Variants in SHB observed in about 807,000 individuals in gnomAD.
SHB encodes the protein SH2 domain-containing adapter protein B.
Under a neutral mutation model 52.3 loss-of-function variants are expected in SHB, and 20 were observed. The observed-to-expected ratio is 0.38, with a 90% CI of 0.27 to 0.56. The LOEUF (loss-of-function observed/expected upper bound fraction) is 0.56. SHB is among the 20% of genes least tolerant of loss of function. SHB has a pLI of 0.71. For missense variants in SHB, 825 were observed against 723.3 expected, an observed-to-expected ratio of 1.14 and a Z score of -1.61; for synonymous variants, 397 against 316.5, an observed-to-expected ratio of 1.25 and a Z score of -2.70.
At chr9:38,031,365 A>T (rs1451644167) in intron 1 of SHB, among the ~76,000 whole-genome samples, 5 of 152,204 alleles carry the variant, frequency 3.3e-5, no homozygotes, top group African/African-American at 9.6e-5. Flanking sequence ...AGATAAAGAC[A>T]ATAACAATTT....
chr9:37,997,892 G>A (rs1370827904), intron 2 of SHB, among the ~76,000 whole-genome samples: 1 of 152,224 alleles, frequency 6.6e-6, no homozygotes, highest in Non-Finnish European at 1.5e-5. Context: ...GGCCCTGGGG[G>A]CCTGAGGCCC....
At chr9:37,991,609 T>C (rs949580208) in intron 2 of SHB, among the ~76,000 whole-genome samples, 5 of 152,220 alleles carry the variant, frequency 3.3e-5, no homozygotes, top group Non-Finnish European at 1.5e-5. Flanking sequence ...GCACAGGAAA[T>C]GATGAAAGAT....
chr9:37,964,359 G>T (rs957628296), intron 3 of SHB, among the ~76,000 whole-genome samples: 2 of 152,154 alleles, frequency 1.3e-5, no homozygotes, highest in Non-Finnish European at 2.9e-5. Context: ...TGGGGACGGC[G>T]GGCCTGGCAG....
intron 3 of SHB, among the ~76,000 whole-genome samples, chr9:37,956,588 G>A (rs950723977): frequency 1.3e-5 from 2 of 152,120 alleles, no homozygotes; most frequent in South Asian, 2.1e-4. Flanking sequence ...AGGACCCAGC[G>A]CCCAGGTGAG....
At chr9:37,923,431 G>A (rs998335807) in intron 5 of SHB, among the ~76,000 whole-genome samples, 1 of 152,216 alleles carries the variant, frequency 6.6e-6, no homozygotes, top group South Asian at 2.1e-4. Flanking sequence ...CAGCCTGAGA[G>A]GCAGGGTGGT....
Position 37,966,680 on chromosome 9 carries a change from T to C in SHB, c.1054+7942A>G, listed in dbSNP as rs1820528393. Among the ~76,000 whole-genome samples the C allele has an allele frequency of 2.6e-5, 4 of 152,326 alleles. No individual in the cohort carries two copies. The South Asian group carries it at 8.3e-4, about 32-fold the overall frequency. The stretch of plus-strand genomic sequence containing the variant: ...GCTATACAGGGGACAGGAAGCATCA[T>C]GGGAGCCTAAGGGGAGCCAGTTTGG... On this transcript the variant is annotated intron_variant, in intron 3 of 5. Transcript: ENST00000377707.
chr9:37,993,752 T>G (rs1262709242), intron 2 of SHB, among the ~76,000 whole-genome samples: 1 of 152,156 alleles, frequency 6.6e-6, no homozygotes, highest in East Asian at 1.9e-4. Context: ...AAATACGGAA[T>G]TTTTGATATA....
At chr9:38,031,694 A>C (rs896112029) in intron 1 of SHB, among the ~76,000 whole-genome samples, 2 of 152,208 alleles carry the variant, frequency 1.3e-5, no homozygotes, top group Admixed American at 6.5e-5. Flanking sequence ...GGTTTCCATG[A>C]AACACCAACA....
At chr9:37,928,403 C>A (rs1832274574) in intron 5 of SHB, among the ~76,000 whole-genome samples, 1 of 152,200 alleles carries the variant, frequency 6.6e-6, no homozygotes, top group South Asian at 2.1e-4. Flanking sequence ...GCTATCTGAG[C>A]CCTTAGGCTC....
rs149962924 is a variant in SHB at position 37,955,503 on chromosome 9, G to C, written c.1226+380C>G. On this transcript the variant is annotated intron_variant, in intron 4 of 5. Transcript: ENST00000377707. ...ATTTATTTATTTTTTTTTGAGACAG[G>C]GTCTCGCTCTGTTGCCCAGGCTCGA... Among the ~76,000 whole-genome samples the C allele has an allele frequency of 3.6e-3, 552 of 151,968 alleles. 5 individuals carry two copies. The highest frequency in any genetic ancestry group is 0.013 in the African/African-American group (525 of 41,440).
At chr9:37,976,397 A>G (rs1442057975) in intron 2 of SHB, among the ~76,000 whole-genome samples, 1 of 152,114 alleles carries the variant, frequency 6.6e-6, no homozygotes, top group Non-Finnish European at 1.5e-5. Context: ...CATTCACACT[A>G]TTGGGAACCT....
chr9:37,945,781 C>T (rs2117882500), intron 5 of SHB, among the ~76,000 whole-genome samples: 1 of 152,280 alleles, frequency 6.6e-6, no homozygotes, highest in South Asian at 2.1e-4. Flanking sequence ...GGTGGTCCAG[C>T]CCACAGATGG....
intron 1 of SHB, among the ~76,000 whole-genome samples, chr9:38,046,404 A>G (rs989415352): frequency 7.9e-5 from 12 of 152,350 alleles, no homozygotes; most frequent in South Asian, 2.1e-4. Flanking sequence ...TGTTAGACAC[A>G]TAAGAATTGA....
At chr9:37,933,056 C>T (rs1832331988) in intron 5 of SHB, among the ~76,000 whole-genome samples, 2 of 152,198 alleles carry the variant, frequency 1.3e-5, no homozygotes, top group Admixed American at 6.5e-5. Flanking sequence ...GATCTGCCTG[C>T]TCAAAGGCCA....
At chr9:37,935,232 A>T (rs1327781293) in intron 5 of SHB, among the ~76,000 whole-genome samples, 1 of 152,168 alleles carries the variant, frequency 6.6e-6, no homozygotes, top group Admixed American at 6.5e-5. Context: ...TCGAGTTTCT[A>T]ATCACTGTTA....
rs141098650 is a variant in SHB, at chr9:38,062,114, G to A, written c.717+5815C>T. Among the ~76,000 whole-genome samples the A allele has an allele frequency of 2.0e-5, 3 of 152,282 alleles. No homozygotes were observed. In the East Asian group the frequency reaches 5.8e-4, roughly 29 times the overall value. On this transcript the variant is annotated intron_variant, in intron 1 of 5. Transcript: ENST00000377707. ...AAGAGTAGCATTAAGTAAAGGGGAG[G>A]AGGAGACATGTAACATATATTCCAG...
intron 1 of SHB, among the ~76,000 whole-genome samples, chr9:38,034,823 A>C (rs1472607498): frequency 6.6e-6 from 1 of 152,190 alleles, no homozygotes; most frequent in Admixed American, 6.5e-5. Flanking sequence ...CAGCCTCCAG[A>C]GTAGCTGGGA....
intron 2 of SHB, among the ~76,000 whole-genome samples, chr9:37,998,641 CG>C (rs1447739143): frequency 5.9e-5 from 9 of 152,098 alleles, no homozygotes; most frequent in Non-Finnish European, 1.3e-4. Context: ...TTAGTAGAGA[CG>C]GGGTTTCACC....
intron 2 of SHB, among the ~76,000 whole-genome samples, chr9:37,984,925 G>A (rs1295471468): frequency 6.6e-6 from 1 of 152,158 alleles, no homozygotes; most frequent in African/African-American, 2.4e-5. Context: ...CAAGGGCAAG[G>A]CAGGGCAGGG....
Sources: allele counts gnomAD v4.1 joint callset (sites outside exome capture counted in the v4.1 genomes callset), GRCh38; gene constraint gnomAD v4.1.1; transcripts MANE v1.5; gene names NCBI Gene and HGNC (gene_info 2026-07-23, HGNC 2026-07-21).